AUTS2: variants seen among roughly 807,000 people sequenced by gnomAD.
AUTS2 encodes the protein autism susceptibility gene 2 protein.
A neutral mutation model predicts 112.4 loss-of-function variants in AUTS2; 17 were observed. The observed-to-expected ratio is 0.15, with a 90% CI of 0.10 to 0.23. The LOEUF (loss-of-function observed/expected upper bound fraction) is 0.23. AUTS2 is among the 10% of genes least tolerant of loss of function. The pLI, the probability that AUTS2 is intolerant of heterozygous loss-of-function variation, is 1.00. For synonymous variants in AUTS2, 751 were observed against 702.7 expected (o/e 1.07, Z -1.09); for missense variants, 1,510 against 1,701.6 (o/e 0.89, Z 1.98).
At chr7:70,148,718 A>G (rs2129575994) in intron 4 of AUTS2, among the ~76,000 whole-genome samples, 1 of 152,178 alleles carries the variant, frequency 6.6e-6, no homozygotes, top group East Asian at 1.9e-4. Flanking sequence ...ATAACTTTCA[A>G]GGAAACATAA....
chr7:70,475,470 C>G (rs551623791), intron 5 of AUTS2, among the ~76,000 whole-genome samples: 1 of 152,118 alleles, frequency 6.6e-6, no homozygotes, highest in Non-Finnish European at 1.5e-5. Flanking sequence ...GCTCCTAGGT[C>G]CATTTAAAGA....
chr7:70,372,681 A>C (rs890374635), intron 4 of AUTS2, among the ~76,000 whole-genome samples: 2 of 150,418 alleles, frequency 1.3e-5, no homozygotes, highest in Admixed American at 6.6e-5. Context: ...TTAAAATACA[A>C]GTATTTTAAA....
chr7:69,857,617 A>G lies in AUTS2; in HGVS notation c.310-41669A>G, dbSNP rs1792789947. Among the ~76,000 whole-genome samples the G allele has an allele frequency of 2.0e-5, 3 of 152,336 alleles. No individual in the cohort carries two copies. In the South Asian group the frequency reaches 6.2e-4, roughly 32 times the overall value. ...GATATAGATGGTTCATTTATTATAC[A>G]GAAGTTTACATAGCAGCCTCTAAGT... is the stretch of plus-strand genomic sequence containing the variant. On this transcript the variant is annotated intron_variant, in intron 1 of 18. Transcript: ENST00000342771.
intron 5 of AUTS2, among the ~76,000 whole-genome samples, chr7:70,472,618 G>T (rs1488535459): frequency 6.6e-6 from 1 of 152,212 alleles, no homozygotes; most frequent in East Asian, 1.9e-4. Flanking sequence ...TGGATACAAT[G>T]AGGTAAGCTT....
At chr7:70,776,488 TTC>T (rs1790698117) in intron 13 of AUTS2, among the ~76,000 whole-genome samples, 3 of 152,136 alleles carry the variant, frequency 2.0e-5, no homozygotes, top group African/African-American at 2.4e-5. Flanking sequence ...AGGAATATTC[TTC>T]TCTTTGTTTC....
At chr7:69,921,640 G>C (rs535687616) in intron 2 of AUTS2, among the ~76,000 whole-genome samples, 6 of 151,292 alleles carry the variant, frequency 4.0e-5, no homozygotes, top group Non-Finnish European at 8.8e-5. Context: ...GCTTGGTGGT[G>C]TGTGCCTATA....
At chr7:70,181,122 A>G (rs1437912827) in intron 4 of AUTS2, among the ~76,000 whole-genome samples, 1 of 152,210 alleles carries the variant, frequency 6.6e-6, no homozygotes, top group Non-Finnish European at 1.5e-5. Context: ...AGATTAATTC[A>G]GGTTGCTATG....
At chr7:70,235,768 C>T (rs1300812371) in intron 4 of AUTS2, among the ~76,000 whole-genome samples, 1 of 152,022 alleles carries the variant, frequency 6.6e-6, no homozygotes, top group African/African-American at 2.4e-5. Context: ...TCTCCTGCCT[C>T]AGCCCACCAT....
chr7:70,482,773 G>A (rs1422548510), intron 5 of AUTS2, among the ~76,000 whole-genome samples: 7 of 152,132 alleles, frequency 4.6e-5, no homozygotes, highest in Non-Finnish European at 1.0e-4. Context: ...GAGGAGCATC[G>A]TTTATGCAGC....
chr7:69,734,348 GTT>G (rs77361580), intron 1 of AUTS2, among the ~76,000 whole-genome samples: 198 of 131,968 alleles, frequency 1.5e-3, no homozygotes, highest in African/African-American at 4.7e-3. Context: ...TTCCTCTTTA[GTT>G]TTTTTTTTTT....
intron 1 of AUTS2, among the ~76,000 whole-genome samples, chr7:69,658,821 T>A (rs1795663637): frequency 6.6e-6 from 1 of 152,182 alleles, no homozygotes; most frequent in African/African-American, 2.4e-5. Flanking sequence ...AATAAATATG[T>A]GGTTTAAAAA....
At chr7:70,215,009 G>A (rs190633095) in intron 4 of AUTS2, among the ~76,000 whole-genome samples, 1 of 152,188 alleles carries the variant, frequency 6.6e-6, no homozygotes, top group East Asian at 1.9e-4. Context: ...ACTAAGCCAG[G>A]CACAGTGGCT....
At chr7:70,133,069 G>C (rs1562725476) in intron 3 of AUTS2, among the ~76,000 whole-genome samples, 1 of 152,122 alleles carries the variant, frequency 6.6e-6, no homozygotes, top group Non-Finnish European at 1.5e-5. Context: ...CCATTTATGG[G>C]ATTAAGAATG....
At chr7:70,331,688 C>T (rs1266016900) in intron 4 of AUTS2, among the ~76,000 whole-genome samples, 2 of 152,140 alleles carry the variant, frequency 1.3e-5, no homozygotes, top group East Asian at 1.9e-4. Flanking sequence ...TAAACATAAT[C>T]GATCATATAA....
chr7:70,318,177 T>C (rs1221785733), intron 4 of AUTS2, among the ~76,000 whole-genome samples: 1 of 151,996 alleles, frequency 6.6e-6, no homozygotes, highest in Non-Finnish European at 1.5e-5. Context: ...ATTCAGGGTA[T>C]AATATTGTAG....
chr7:69,983,998 C>G (rs926917178), intron 2 of AUTS2, among the ~76,000 whole-genome samples: 14 of 152,138 alleles, frequency 9.2e-5, no homozygotes, highest in Non-Finnish European at 1.9e-4. Flanking sequence ...TTTAAATTAT[C>G]ACTCTTTTTT....
At chr7:70,089,173 A>C (rs1803776951) in intron 2 of AUTS2, among the ~76,000 whole-genome samples, 1 of 152,192 alleles carries the variant, frequency 6.6e-6, no homozygotes, top group African/African-American at 2.4e-5. Flanking sequence ...TTCAATTATT[A>C]AGAAAGGGGC....
intron 5 of AUTS2, among the ~76,000 whole-genome samples, chr7:70,479,943 T>G (rs1168759354): frequency 6.6e-6 from 1 of 152,214 alleles, no homozygotes; most frequent in African/African-American, 2.4e-5. Flanking sequence ...CTTACATTTT[T>G]TTAGGTCTTC....
At chr7:70,739,804 TAAAAAAA>T (rs35729505) in intron 6 of AUTS2, among the ~76,000 whole-genome samples, 14 of 139,592 alleles carry the variant, frequency 1.0e-4, no homozygotes, top group Non-Finnish European at 1.1e-4. Context: ...CTCTAATTGT[TAAAAAAA>T]AAAAAAAAAA....
Sources: gnomAD v4.1 joint callset for allele counts (sites outside exome capture counted in the v4.1 genomes callset) on GRCh38, gnomAD v4.1.1 for gene constraint, MANE v1.5 for transcripts, NCBI Gene and HGNC (gene_info 2026-07-23, HGNC 2026-07-21) for gene names.